The following DPP10 variants were observed in gnomAD, a reference collection of about 807,000 sequenced individuals.
DPP10 encodes the protein dipeptidyl peptidase like 10, also known as inactive dipeptidyl peptidase 10.
A neutral mutation model predicts 120.9 loss-of-function variants in DPP10; 33 were observed. The observed-to-expected ratio is 0.27, with a 90% CI of 0.21 to 0.37. The LOEUF (loss-of-function observed/expected upper bound fraction) is 0.37. Ranked by LOEUF, DPP10 falls within the 10% of genes least tolerant of loss-of-function variation. The probability of loss-of-function intolerance (pLI) is 1.00; values close to 1 mark genes in which losing one functional copy is unlikely to be tolerated. For synonymous variants in DPP10, 337 were observed against 326.1 expected, an observed-to-expected ratio of 1.03 and a Z score of -0.36; for missense variants, 816 against 942.8, an observed-to-expected ratio of 0.87 and a Z score of 1.76.
At chr2:115,267,422 T>G (rs2059505908) in intron 1 of DPP10, among the ~76,000 whole-genome samples, 1 of 152,166 alleles carries the variant, frequency 6.6e-6, no homozygotes, top group African/African-American at 2.4e-5. Flanking sequence ...AGCAGGGACT[T>G]GTTTTTAGGA....
intron 1 of DPP10, among the ~76,000 whole-genome samples, chr2:115,201,466 A>G (rs1258256359): frequency 6.6e-6 from 1 of 152,142 alleles, no homozygotes; most frequent in African/African-American, 2.4e-5. Context: ...CTGTCTCAAA[A>G]TAAAATAAAG....
At chr2:115,072,972 G>A (rs1470203211) in intron 1 of DPP10, among the ~76,000 whole-genome samples, 1 of 152,028 alleles carries the variant, frequency 6.6e-6, no homozygotes, top group Non-Finnish European at 1.5e-5. Context: ...TAGGAGAGAT[G>A]GGGTTTCACC....
chr2:114,819,406 C>T (rs778671550), intron 1 of DPP10, among the ~76,000 whole-genome samples: 6 of 152,006 alleles, frequency 3.9e-5, no homozygotes, highest in Non-Finnish European at 8.8e-5. Flanking sequence ...CTAAGTTGTC[C>T]CTAAAGCCCT....
At chr2:115,520,174 C>T (rs541184261) in intron 4 of DPP10, among the ~76,000 whole-genome samples, 9 of 151,916 alleles carry the variant, frequency 5.9e-5, no homozygotes, top group African/African-American at 1.9e-4. Flanking sequence ...AAAAATTAGC[C>T]GGGCGTGGTG....
chr2:115,064,318 A>C (rs1706664497), intron 1 of DPP10, among the ~76,000 whole-genome samples: 1 of 152,046 alleles, frequency 6.6e-6, no homozygotes, highest in Admixed American at 6.6e-5. Flanking sequence ...TCCCAGGGAG[A>C]AGTAGTGAGA....
chr2:114,564,529 G>A (rs750282782), intron 1 of DPP10, among the ~76,000 whole-genome samples: 18 of 152,110 alleles, frequency 1.2e-4, no homozygotes, highest in South Asian at 2.1e-4. Flanking sequence ...TAAGGTACCC[G>A]GCAGATCACA....
intron 19 of DPP10, among the ~76,000 whole-genome samples, chr2:115,805,575 A>ATTT (rs34290717): frequency 3.0e-5 from 4 of 134,304 alleles, no homozygotes; most frequent in Non-Finnish European, 3.2e-5. Flanking sequence ...CTTGGCTCCC[A>ATTT]TTTTTTTTTT....
chr2:115,234,896 C>T (rs2057919196), intron 1 of DPP10, among the ~76,000 whole-genome samples: 1 of 152,092 alleles, frequency 6.6e-6, no homozygotes, highest in African/African-American at 2.4e-5. Flanking sequence ...GAGAAGGTGA[C>T]CTTGACATGA....
At chr2:115,262,734 A>G (rs1001856765) in intron 1 of DPP10, among the ~76,000 whole-genome samples, 1 of 152,184 alleles carries the variant, frequency 6.6e-6, no homozygotes, top group Non-Finnish European at 1.5e-5. Context: ...ATAAAATAAA[A>G]GTTTTCTCCT....
intron 1 of DPP10, among the ~76,000 whole-genome samples, chr2:114,715,601 A>G (rs1312464402): frequency 7.5e-4 from 114 of 152,084 alleles, no homozygotes; most frequent in Non-Finnish European, 2.8e-4. Flanking sequence ...ATAAAAAAAA[A>G]GTACATGTTG....
chr2:114,515,592 T>C (rs574130325), intron 1 of DPP10, among the ~76,000 whole-genome samples: 2 of 152,234 alleles, frequency 1.3e-5, no homozygotes, highest in East Asian at 1.9e-4. Context: ...AATAAAAATA[T>C]TGTGTATCCA....
At chr2:115,189,076 T>C (rs866533233) in intron 1 of DPP10, among the ~76,000 whole-genome samples, 1 of 152,196 alleles carries the variant, frequency 6.6e-6, no homozygotes, top group Middle Eastern at 3.2e-3. Context: ...TTGTTATAAA[T>C]AGCACTCGAA....
chr2:115,558,913 G>A (rs1477851332), intron 5 of DPP10, among the ~76,000 whole-genome samples: 2 of 152,254 alleles, frequency 1.3e-5, no homozygotes, highest in Admixed American at 1.3e-4. Flanking sequence ...ATCACTGGGG[G>A]AATTGTATTT....
At position 115,834,551 on chromosome 2, in the gene DPP10, CTT is replaced by C. The variant is rs542093673; in HGVS notation, c.1951-1603_1951-1602del. ...GTAATTATTAAAATCTCCTCTGGAA[CTT>C]TTCTAGTCAGATCTTGGTCTACAAA... is the stretch of plus-strand genomic sequence containing the variant. On this transcript the variant is annotated intron_variant, in intron 21 of 25. Coordinates refer to ENST00000410059, the MANE Select transcript of DPP10 (RefSeq NM_020868.6). Among the ~76,000 whole-genome samples the C allele has an allele frequency of 3.4e-3, 510 of 151,602 alleles. 2 individuals are homozygous for C. The highest frequency in any genetic ancestry group is 0.011 in the Admixed American group (162 of 15,208).
intron 2 of DPP10, among the ~76,000 whole-genome samples, chr2:115,332,236 T>C (rs1283881744): frequency 1.3e-5 from 2 of 152,204 alleles, no homozygotes; most frequent in Admixed American, 6.5e-5. Context: ...TATTCTCTGA[T>C]GGTAGTTTGT....
intron 1 of DPP10, among the ~76,000 whole-genome samples, chr2:114,848,536 C>T (rs1349445869): frequency 1.3e-5 from 2 of 152,062 alleles, no homozygotes; most frequent in Non-Finnish European, 2.9e-5. Context: ...GCCCCAAGGA[C>T]AATAAACAAT....
chr2:115,313,140 T>A (rs1027281137), intron 2 of DPP10, among the ~76,000 whole-genome samples: 3 of 152,120 alleles, frequency 2.0e-5, no homozygotes, highest in African/African-American at 7.2e-5. Context: ...GGAGAATTGC[T>A]TGAACCTGGG....
chr2:114,669,190 C>T (rs1698152544), intron 1 of DPP10, among the ~76,000 whole-genome samples: 1 of 152,094 alleles, frequency 6.6e-6, no homozygotes, highest in East Asian at 1.9e-4. Context: ...TATCAAAAAG[C>T]CTATACATTT....
chr2:114,983,015 G>A (rs929525350), intron 1 of DPP10, among the ~76,000 whole-genome samples: 1 of 152,050 alleles, frequency 6.6e-6, no homozygotes, highest in East Asian at 1.9e-4. Context: ...GGTGACTTTA[G>A]GTTTGAAATC....
Sources: allele counts gnomAD v4.1 joint callset (sites outside exome capture counted in the v4.1 genomes callset), GRCh38; gene constraint gnomAD v4.1.1; transcripts MANE v1.5; gene names NCBI Gene and HGNC (gene_info 2026-07-23, HGNC 2026-07-21).